The following C11orf98 variants were observed in gnomAD, a reference collection of about 807,000 sequenced individuals.
C11orf98 encodes chromosome 11 open reading frame 98.
A neutral mutation model predicts 10.9 loss-of-function variants in C11orf98; 7 were observed. That is an observed-to-expected ratio of 0.64 (90% CI 0.37 to 1.21). C11orf98 has a LOEUF of 1.21. C11orf98 is among the 50% of genes most tolerant of loss of function. The probability of loss-of-function intolerance (pLI) is 0.02; values close to 1 mark genes in which losing one functional copy is unlikely to be tolerated. For synonymous variants in C11orf98, 70 were observed against 57.2 expected (o/e 1.22, Z -1.01); for missense variants, 181 against 153.7 (o/e 1.18, Z -0.94).
chr11:62,665,158 C>G lies in C11orf98; in HGVS notation c.12G>C (p.Pro4=). 1.1e-6 allele frequency: 1 copy of G among 920,622 alleles called. No homozygotes were observed. Among genetic ancestry groups the G allele is most frequent in the Non-Finnish European group, 1.7e-6 (1 of 584,338 alleles). The allele number at this position is 920,622 out of a possible 1,614,324, so 57.0% of individuals were successfully genotyped here. A position where few individuals can be genotyped will look rare whatever the true frequency, so the allele number is the denominator to read the frequency against. MGA[P]GGKINRPRTE... is the part of the protein sequence containing the mutation. ...TTCGGGGCCGGTTGATCTTTCCCCC[C>G]GGAGCTCCCATAGTCGCGATTCCAC... Residue 4 remains proline (P), a synonymous_variant, in exon 1 of 4, where the codon CCG becomes CCC. Coordinates refer to ENST00000524958, the MANE Select transcript of C11orf98 (RefSeq NM_001286086.2).
At chr11:62,663,418 T>TTAAA in intron 2 of C11orf98, 85 bp from the exon 3 acceptor site, 2 of 1,415,592 alleles carry the variant, frequency 1.4e-6, no homozygotes, top group Non-Finnish European at 1.9e-6. Context: ...AGAAAAAGTA[T>TTAAA]TAAATAGGCT....
chr11:62,663,027 G>T lies in C11orf98; in HGVS notation c.*23C>A. ...CTGAGTCTGAAGGCTGGCTCCAGTT[G>T]AGAATCTTCTAGTGGAAGAGGTTTA... On this transcript the variant is annotated 3_prime_UTR_variant, in exon 4 of 4. Transcript: ENST00000524958. 6.5e-7 allele frequency: 1 copy of T among 1,529,636 alleles called. No homozygotes were observed. Among genetic ancestry groups the T allele is most frequent in the Non-Finnish European group, 9.0e-7 (1 of 1,111,512 alleles). The allele number at this position is 1,529,636 out of a possible 1,614,324, so 94.8% of individuals were successfully genotyped here.
At chr11:62,663,187 T>A (rs597259) in intron 3 of C11orf98, 28 bp from the exon 4 acceptor site, 1,143,185 of 1,613,690 alleles carry the variant, frequency 0.71, 407,918 homozygotes, top group East Asian at 0.93. Flanking sequence ...GGAAGTATTA[T>A]CCCAAATAAA....
In C11orf98 at chr11:62,664,891, A is replaced by T. The variant is rs532701253; in HGVS notation, c.122T>A (p.Ile41Lys). 4 of 1,590,076 alleles carry T rather than the reference A, an allele frequency of 2.5e-6. No homozygotes were observed. In the African/African-American group the frequency reaches 5.4e-5, roughly 21 times the overall value. ...GTGCCGCGTGATCAGCCCTTGGTCT[A>T]TCACAGCCCCGACCACCCGGTGCCT... ...RLRHRVVGAV[I>K]DQGLITRHHL... Residue 41 changes from isoleucine (I) to lysine (K), a missense_variant, in exon 2 of 4, where the codon ATA (isoleucine) becomes AAA (lysine). Ile to Lys is a moderately radical substitution (Grantham distance 102). Transcript: ENST00000524958.
intron 2 of C11orf98, among the ~76,000 whole-genome samples, chr11:62,663,555 G>A (rs1334668486): frequency 6.6e-6 from 1 of 152,022 alleles, no homozygotes; most frequent in South Asian, 2.1e-4. Flanking sequence ...TTAGCTGGGC[G>A]CAGTGGCGGG....
intron 1 of C11orf98, 41 bp downstream of exon 1, chr11:62,665,090 G>A: frequency 6.9e-7 from 1 of 1,452,308 alleles, no homozygotes. Context: ...AAGGGCTCAG[G>A]AACGCTTGAG....
At chr11:62,665,109 G>T in intron 1 of C11orf98, 22 bp downstream of exon 1, 2 of 1,327,706 alleles carry the variant, frequency 1.5e-6, no homozygotes, top group Non-Finnish European at 2.1e-6. Context: ...AGGAAACAAA[G>T]TCGCGGCCCC....
intron 2 of C11orf98, among the ~76,000 whole-genome samples, chr11:62,663,825 C>CA (rs1400247733): frequency 6.6e-6 from 1 of 151,370 alleles, no homozygotes; most frequent in Non-Finnish European, 1.5e-5. Context: ...GTAATCCCAA[C>CA]ACTTTGGGAG....
At position 62,663,391 on chromosome 11, in the gene C11orf98, C is replaced by T. The variant is rs1171856822; in HGVS notation, c.165-58G>A. ...TTAACCTGAACCAACTGAGGTCACA[C>T]AAATAGTTCTGGCTATAGAAAAAGT... On this transcript the variant is annotated intron_variant, in intron 2 of 3. Transcript: ENST00000524958. 5 of 1,540,506 alleles carry T rather than the reference C, an allele frequency of 3.2e-6. No individual in the cohort carries two copies. In the African/African-American group the frequency reaches 5.5e-5, roughly 17 times the overall value.
chr11:62,664,718 C>A (rs1264648188), intron 2 of C11orf98, 131 bp downstream of exon 2: 2 of 1,224,714 alleles, frequency 1.6e-6, no homozygotes, highest in African/African-American at 1.5e-5. Context: ...TAGGAACTAA[C>A]AGCCGACAGA....
chr11:62,663,867 G>A (rs1394815748), intron 2 of C11orf98, among the ~76,000 whole-genome samples: 2 of 151,488 alleles, frequency 1.3e-5, no homozygotes, highest in Non-Finnish European at 2.9e-5. Flanking sequence ...GAGGTCAGGA[G>A]TTCAAGACCA....
chr11:62,663,722 AATAAATATAAT>A (rs1210288738), intron 2 of C11orf98, among the ~76,000 whole-genome samples: 2 of 150,880 alleles, frequency 1.3e-5, no homozygotes, highest in African/African-American at 4.8e-5. Context: ...AAAAGTATTA[AATAAATATAAT>A]ATAAATAGTA....
intron 2 of C11orf98, 67 bp from the exon 3 acceptor site, chr11:62,663,400 C>A: frequency 6.6e-7 from 1 of 1,508,716 alleles, no homozygotes; most frequent in South Asian, 1.2e-5. Context: ...ACAAATAGTT[C>A]TGGCTATAGA....
Position 62,663,009 on chromosome 11 carries a change from T to TG in C11orf98, c.*40dup. ...AGTCCTCTGAAACAACCACTGAGTC[T>TG]GAAGGCTGGCTCCAGTTGAGAATCT... On this transcript the variant is annotated 3_prime_UTR_variant, in exon 4 of 4. Coordinates refer to ENST00000524958, the MANE Select transcript of C11orf98 (RefSeq NM_001286086.2). The TG allele has an allele frequency of 6.8e-7, 1 of 1,464,886 alleles. No individual in the cohort carries two copies. Among genetic ancestry groups the TG allele is most frequent in the Non-Finnish European group, 9.4e-7 (1 of 1,059,066 alleles). 90.7% of individuals were successfully genotyped at this position (1,464,886 alleles called of 1,614,324 possible). A position where few individuals can be genotyped will look rare whatever the true frequency, so the allele number is the denominator to read the frequency against.
At chr11:62,664,820 G>C (rs971246026) in intron 2 of C11orf98, 29 bp downstream of exon 2, 14 of 1,552,950 alleles carry the variant, frequency 9.0e-6, no homozygotes, top group Admixed American at 5.8e-5. Context: ...CGGTGGGGAC[G>C]ACCAACAGGA....
chr11:62,663,364 G>A, intron 2 of C11orf98, 31 bp from the exon 3 acceptor site: 1 of 1,603,848 alleles, frequency 6.2e-7, no homozygotes, highest in Non-Finnish European at 8.5e-7. Flanking sequence ...AAGAGAGCTA[G>A]GTTAACCTGA....
rs1338884752 is a variant in C11orf98, at chr11:62,665,141, C to T, written c.29G>A (p.Arg10Gln). 6.8e-6 allele frequency: 7 copies of T among 1,023,620 alleles called. No homozygotes were observed. Among genetic ancestry groups the T allele is most frequent in the Admixed American group, 4.0e-5 (2 of 50,346 alleles). 63.4% of individuals were successfully genotyped at this position (1,023,620 alleles called of 1,614,324 possible). A position where few individuals can be genotyped will look rare whatever the true frequency, so the allele number is the denominator to read the frequency against. The change falls in exon 1 of 4, where the codon CGG (arginine) becomes CAG (glutamine). Residue 10 changes from arginine to glutamine, a missense_variant. Transcript: ENST00000524958. ...CCCCCACACAGTCACCGTTCGGGGCCGGTTGATCTTTCCCCCCGGAGCTCC... is the reference window on the plus strand; with the variant it reads ...CCCCCACACAGTCACCGTTCGGGGCTGGTTGATCTTTCCCCCCGGAGCTCC... MGAPGGKIN[R>Q]PRTELKKKLF...
Position 62,664,924 on chromosome 11 carries a change from C to T in C11orf98, c.89G>A (p.Arg30Gln). Residue 30 changes from arginine (R) to glutamine (Q), a missense_variant, in exon 2 of 4, where the codon CGG becomes CAG. Transcript: ENST00000524958. ...FKRRRVLNRE[R>Q]RLRHRVVGAV... ...CCCGACCACCCGGTGCCTCAGACGC[C>T]GCTCCCGATTCAACACCCGCCGGCG... 6.2e-7 allele frequency: 1 copy of T among 1,605,106 alleles called. No homozygotes were observed. The highest frequency in any genetic ancestry group is 8.5e-7 in the Non-Finnish European group (1 of 1,176,136).
In C11orf98 at chr11:62,665,197, C is replaced by T. The variant is rs1181013837; in HGVS notation, c.-28G>A. On this transcript the variant is annotated 5_prime_UTR_variant, in exon 1 of 4. Transcript: ENST00000524958. The stretch of plus-strand genomic sequence containing the variant: ...TCGCGATTCCACTCCAGTTCACGGT[C>T]CGTACTTCCGCTCAGCGCCGGATCC... The T allele has an allele frequency of 5.0e-6, 4 of 806,552 alleles. No individual in the cohort carries two copies. Among genetic ancestry groups the T allele is most frequent in the Middle Eastern group, 2.2e-4 (1 of 4,486 alleles). The allele number at this position is 806,552 out of a possible 1,614,324, so 50.0% of individuals were successfully genotyped here. A position where few individuals can be genotyped will look rare whatever the true frequency, so the allele number is the denominator to read the frequency against.
Sources: allele counts gnomAD v4.1 joint callset (sites outside exome capture counted in the v4.1 genomes callset), GRCh38; gene constraint gnomAD v4.1.1; transcripts MANE v1.5; gene names NCBI Gene and HGNC (gene_info 2026-07-23, HGNC 2026-07-21).